Variants in ATP2B2 observed in about 807,000 individuals in gnomAD.
ATP2B2 encodes ATPase plasma membrane Ca2+ transporting 2, also known as plasma membrane calcium-transporting ATPase 2.
ATP2B2 carries 15 observed loss-of-function variants against 120.0 expected under a neutral mutation model. The observed-to-expected ratio is 0.12, with a 90% CI of 0.08 to 0.19. The LOEUF is 0.19. Among genes scored for constraint, ATP2B2 ranks in the 10% least tolerant of loss-of-function variants. The pLI is 1.00. For synonymous variants in ATP2B2, 694 were observed against 700.3 expected, an observed-to-expected ratio of 0.99 and a Z score of 0.14; for missense variants, 1,045 against 1,719.8, an observed-to-expected ratio of 0.61 and a Z score of 6.94.
At chr3:10,356,646 GA>G (rs1049242478) in intron 14 of ATP2B2, among the ~76,000 whole-genome samples, 40 of 152,206 alleles carry the variant, frequency 2.6e-4, no homozygotes, top group African/African-American at 9.7e-4. Context: ...CGGGAAGGGG[GA>G]GGCTGTGGGG....
intron 1 of ATP2B2, among the ~76,000 whole-genome samples, chr3:10,483,894 C>G (rs897179043): frequency 2.6e-5 from 4 of 151,944 alleles, no homozygotes; most frequent in Admixed American, 2.0e-4. Flanking sequence ...GGCACAGGGC[C>G]GGGCACCCAG....
At chr3:10,685,467 A>T (rs1421712581) in intron 1 of ATP2B2, among the ~76,000 whole-genome samples, 1 of 152,180 alleles carries the variant, frequency 6.6e-6, no homozygotes, top group Non-Finnish European at 1.5e-5. Flanking sequence ...TGAGATTACC[A>T]GACCTTGGCT....
chr3:10,686,372 T>C (rs1012397241), intron 1 of ATP2B2, among the ~76,000 whole-genome samples: 2 of 152,096 alleles, frequency 1.3e-5, no homozygotes, highest in African/African-American at 4.8e-5. Context: ...AGCACACAAT[T>C]GGCTGGGCGT....
intron 22 of ATP2B2, among the ~76,000 whole-genome samples, chr3:10,337,639 G>A (rs1207898786): frequency 2.0e-5 from 3 of 152,150 alleles, no homozygotes; most frequent in African/African-American, 7.2e-5. Flanking sequence ...GTGTGTGCAT[G>A]TGTGTCTGTG....
intron 1 of ATP2B2, among the ~76,000 whole-genome samples, chr3:10,656,143 G>A (rs2070621606): frequency 6.6e-6 from 1 of 152,158 alleles, no homozygotes; most frequent in African/African-American, 2.4e-5. Flanking sequence ...GAGGAGGGAA[G>A]GTAGGGGGTG....
intron 3 of ATP2B2, among the ~76,000 whole-genome samples, chr3:10,511,251 CT>C (rs2066755082): frequency 6.6e-6 from 1 of 152,154 alleles, no homozygotes; most frequent in Admixed American, 6.5e-5. Context: ...TGAAGCCTTC[CT>C]TGATTTTCCC....
rs2069349366 is a variant in ATP2B2 at position 10,615,124 on chromosome 3, C to T, written c.-415+4793G>A. 2.6e-5 allele frequency among the ~76,000 whole-genome samples: 4 copies of T among 152,060 alleles called. No individual in the cohort carries two copies. The South Asian group carries it at 8.3e-4, about 32-fold the overall frequency. On this transcript the variant is annotated intron_variant, in intron 2 of 21. Coordinates refer to the ATP2B2 transcript ENST00000646379. Reference sequence around the variant, plus strand: ...GGCCAGAGGTGAAGGCAGGAAGCACCCTAAACCACTATTGTCAGGAGAGCT... The same window carrying T: ...GGCCAGAGGTGAAGGCAGGAAGCACTCTAAACCACTATTGTCAGGAGAGCT...
chr3:10,658,099 G>A (rs1337114823), intron 1 of ATP2B2, among the ~76,000 whole-genome samples: 2 of 152,184 alleles, frequency 1.3e-5, no homozygotes, highest in African/African-American at 4.8e-5. Context: ...CCATCTGTAC[G>A]TCACCATCAT....
At chr3:10,348,862 A>G (rs2125405103) in intron 16 of ATP2B2, among the ~76,000 whole-genome samples, 1 of 152,372 alleles carries the variant, frequency 6.6e-6, no homozygotes, top group South Asian at 2.1e-4. Context: ...ACCTGGCAGG[A>G]CCTCAGTAAA....
At chr3:10,657,234 C>G (rs1185187744) in intron 1 of ATP2B2, among the ~76,000 whole-genome samples, 1 of 152,206 alleles carries the variant, frequency 6.6e-6, no homozygotes, top group Non-Finnish European at 1.5e-5. Flanking sequence ...GTTCCACCAA[C>G]AAGCAGTGCC....
In ATP2B2 at chr3:10,406,728, T is replaced by C. The variant is rs57032249; in HGVS notation, c.397+3890A>G. 4.4e-3 allele frequency among the ~76,000 whole-genome samples: 663 copies of C among 152,318 alleles called. 6 individuals carry two copies. The highest frequency in any genetic ancestry group is 0.015 in the African/African-American group (621 of 41,572). The stretch of plus-strand genomic sequence containing the variant: ...GACTGTATCTACTAACCATCTACAA[T>C]GGGCCAGGCACAGTGAGAAACTCAT... On this transcript the variant is annotated intron_variant, in intron 3 of 22. Transcript: ENST00000360273.
chr3:10,354,850 C>T lies in ATP2B2; in HGVS notation c.2136+3841G>A, dbSNP rs528356663. 3.9e-5 allele frequency among the ~76,000 whole-genome samples: 6 copies of T among 152,306 alleles called. No homozygotes were observed. In the South Asian group the frequency reaches 1.2e-3, roughly 32 times the overall value. ...TGAGGTTTTCCCTCTGGCTGAGCCTCCTAGGCTGGAGGCACCAGGAAGGGA... is the reference window on the plus strand; with the variant it reads ...TGAGGTTTTCCCTCTGGCTGAGCCTTCTAGGCTGGAGGCACCAGGAAGGGA... On this transcript the variant is annotated intron_variant, in intron 14 of 22. Transcript: ENST00000360273.
At chr3:10,487,239 T>C (rs1553616413) in intron 1 of ATP2B2, among the ~76,000 whole-genome samples, 1 of 152,054 alleles carries the variant, frequency 6.6e-6, no homozygotes, top group Non-Finnish European at 1.5e-5. Context: ...AGCATGTGTG[T>C]GCGCACACAC....
intron 1 of ATP2B2, among the ~76,000 whole-genome samples, chr3:10,679,881 G>T (rs1332372208): frequency 1.3e-5 from 2 of 152,088 alleles, no homozygotes; most frequent in African/African-American, 4.8e-5. Flanking sequence ...AAGAGGGGAA[G>T]AAATAAGAGA....
At chr3:10,509,113 TGGAGGCTCTCTGCACAAGGGCAATAGA>T (rs1429023651), upstream of ATP2B2, among the ~76,000 whole-genome samples, 1 of 152,144 alleles carries the variant, frequency 6.6e-6, no homozygotes, top group Non-Finnish European at 1.5e-5. Context: ...CCCAGGCTGC[TGGAGGCTCTCTGCACAAGGGCAATAGA>T]GGAGGCTCTC....
chr3:10,349,813 A>G (rs2060527003), intron 16 of ATP2B2, among the ~76,000 whole-genome samples: 2 of 152,128 alleles, frequency 1.3e-5, no homozygotes, highest in Non-Finnish European at 2.9e-5. Flanking sequence ...GCCACATAGA[A>G]CACGTCTGTG....
intron 1 of ATP2B2, among the ~76,000 whole-genome samples, chr3:10,484,429 C>G (rs1325907119): frequency 6.6e-6 from 1 of 152,064 alleles, no homozygotes; most frequent in East Asian, 1.9e-4. Context: ...TGGGGATGCC[C>G]TCAGTGTCTC....
chr3:10,551,930 G>A (rs2067678256), intron 2 of ATP2B2, among the ~76,000 whole-genome samples: 1 of 152,260 alleles, frequency 6.6e-6, no homozygotes, highest in South Asian at 2.1e-4. Flanking sequence ...AATGGAAGTT[G>A]CGAACATTAA....
At chr3:10,335,573 G>T (rs1256361841) in intron 22 of ATP2B2, among the ~76,000 whole-genome samples, 1 of 152,142 alleles carries the variant, frequency 6.6e-6, no homozygotes, top group African/African-American at 2.4e-5. Context: ...CTGACCAACT[G>T]GGAAAGTCTG....
Sources: gnomAD v4.1 joint callset for allele counts (sites outside exome capture counted in the v4.1 genomes callset) on GRCh38, gnomAD v4.1.1 for gene constraint, MANE v1.5 for transcripts, NCBI Gene and HGNC (gene_info 2026-07-23, HGNC 2026-07-21) for gene names.